The following MANBA variants were observed in gnomAD, a reference collection of about 807,000 sequenced individuals.
MANBA encodes mannosidase beta.
MANBA carries 83 observed loss-of-function variants against 111.1 expected under a neutral mutation model. That is an observed-to-expected ratio of 0.75 (90% CI 0.63 to 0.90). The LOEUF (loss-of-function observed/expected upper bound fraction) is 0.90, where lower values mean the gene tolerates loss of function less well. Among genes scored for constraint, MANBA ranks in the 40% least tolerant of loss-of-function variants. The pLI is 0.00. For synonymous variants in MANBA, 370 were observed against 378.7 expected, an observed-to-expected ratio of 0.98 and a Z score of 0.27; for missense variants, 1,036 against 1,069.0, an observed-to-expected ratio of 0.97 and a Z score of 0.43.
intron 4 of MANBA, 62 bp downstream of exon 4, chr4:102,722,809 T>C: frequency 6.5e-7 from 1 of 1,533,854 alleles, no homozygotes; most frequent in Non-Finnish European, 9.0e-7. Context: ...CAAATAAGCA[T>C]TTCATATGCC....
chr4:102,747,466 A>T (rs1443090121), intron 1 of MANBA, among the ~76,000 whole-genome samples: 1 of 152,208 alleles, frequency 6.6e-6, no homozygotes, highest in East Asian at 1.9e-4. Context: ...CCACTGAGTC[A>T]AATGTTAATC....
At position 102,657,796 on chromosome 4, in the gene MANBA, A is replaced by C; in HGVS notation, c.1590T>G (p.Asp530Glu). 1 of 1,613,768 alleles carries C rather than the reference A, an allele frequency of 6.2e-7. No homozygotes were observed. Among genetic ancestry groups the C allele is most frequent in the Non-Finnish European group, 8.5e-7 (1 of 1,179,630 alleles). The change falls in exon 12 of 17, where the codon GAT becomes GAG. Residue 530 changes from aspartate to glutamate, a missense_variant. Asp to Glu is a conservative substitution (Grantham distance 45). Coordinates refer to ENST00000647097, the MANE Select transcript of MANBA (RefSeq NM_005908.4). ...CACTGATATAGTCATAAAAATGTACATCACCAAAATAATTGCTATTAGGGT... is the reference window on the plus strand; with the variant it reads ...CACTGATATAGTCATAAAAATGTACCTCACCAAAATAATTGCTATTAGGGT... Reference protein sequence around the residue: ...SQNPNSNYFGDVHFYDYISDC... With the variant: ...SQNPNSNYFGEVHFYDYISDC...
chr4:102,704,107 C>G (rs28845008), intron 5 of MANBA, among the ~76,000 whole-genome samples: 1 of 150,928 alleles, frequency 6.6e-6, no homozygotes, highest in African/African-American at 2.4e-5. Flanking sequence ...AAAAAAAAAA[C>G]CAAAAAATTT....
intron 7 of MANBA, among the ~76,000 whole-genome samples, chr4:102,678,060 G>A (rs1731802377): frequency 6.6e-6 from 1 of 152,116 alleles, no homozygotes; most frequent in Non-Finnish European, 1.5e-5. Context: ...AATCACTACT[G>A]CAGAAAATAG....
In MANBA at chr4:102,676,550, T is replaced by G. The variant is rs900378768; in HGVS notation, c.961-2480A>C. Among the ~76,000 whole-genome samples the G allele has an allele frequency of 3.9e-5, 6 of 152,232 alleles. No individual in the cohort carries two copies. The South Asian group carries it at 6.2e-4, about 16-fold the overall frequency. On this transcript the variant is annotated intron_variant, in intron 7 of 16. Coordinates refer to ENST00000647097, the MANE Select transcript of MANBA (RefSeq NM_005908.4). ...AGAGTAACTCGTCCAATTAAGAGAT[T>G]TGACTGCAATATGAAGACTGGCCTG...
In MANBA at chr4:102,657,879, T is replaced by C. The variant is rs1730643309; in HGVS notation, c.1507A>G (p.Ile503Val). The C allele has an allele frequency of 5.0e-6, 8 of 1,612,526 alleles. No individual in the cohort carries two copies. The highest frequency in any genetic ancestry group is 6.8e-6 in the Non-Finnish European group (8 of 1,178,544). The change falls in exon 12 of 17, where the codon ATT (isoleucine) becomes GTT (valine). Residue 503 changes from isoleucine to valine, a missense_variant. Transcript: ENST00000647097. ...GCCCCATTTGTAGGACTGGACGTAA[T>C]AAAAGGACGACTCTTGTCTCCCTGA... Reference protein sequence around the residue: ...VLAGDKSRPFITSSPTNGAET... With the variant: ...VLAGDKSRPFVTSSPTNGAET...
At chr4:102,647,049 GGA>G (rs565417038) in intron 13 of MANBA, among the ~76,000 whole-genome samples, 113 of 151,858 alleles carry the variant, frequency 7.4e-4, no homozygotes, top group Non-Finnish European at 1.3e-4. Context: ...AACAGGGGTT[GGA>G]GTAGGAACAT....
intron 4 of MANBA, among the ~76,000 whole-genome samples, chr4:102,719,970 T>G (rs1292237102): frequency 3.3e-5 from 5 of 152,276 alleles, no homozygotes; most frequent in Non-Finnish European, 7.3e-5. Flanking sequence ...CAAAGGGCTA[T>G]GTTCTATCTA....
intron 7 of MANBA, among the ~76,000 whole-genome samples, chr4:102,680,136 T>C (rs1319829570): frequency 2.6e-5 from 4 of 152,230 alleles, no homozygotes; most frequent in Non-Finnish European, 5.9e-5. Flanking sequence ...CCTGGCACTC[T>C]CCTTCAAAAT....
At chr4:102,658,938 T>A (rs1334981964) in intron 11 of MANBA, 1 of 152,198 alleles carries the variant, frequency 6.6e-6, no homozygotes, top group Non-Finnish European at 1.5e-5. Flanking sequence ...TACTATCATC[T>A]CAGTAGATGA....
chr4:102,671,197 G>C, intron 9 of MANBA, 84 bp downstream of exon 9: 2 of 897,172 alleles, frequency 2.2e-6, no homozygotes, highest in Admixed American at 3.4e-5. Flanking sequence ...TCTGAGACTG[G>C]GGCAATTGCA....
chr4:102,725,072 GT>G lies in MANBA; in HGVS notation c.273-1106del, dbSNP rs140463918. ...TAAATTAGTGGTTCCTAGGGCTGGG[GT>G]AAGAATTCAGGGGCAGGAGGAGTGG... On this transcript the variant is annotated intron_variant, in intron 2 of 16. Coordinates refer to ENST00000647097, the MANE Select transcript of MANBA (RefSeq NM_005908.4). Among the ~76,000 whole-genome samples the G allele has an allele frequency of 8.6e-3, 1,312 of 152,204 alleles. 12 individuals carry two copies. Among genetic ancestry groups the G allele is most frequent in the African/African-American group, 0.028 (1,172 of 41,506 alleles).
intron 9 of MANBA, chr4:102,670,882 T>A (rs1289441956): frequency 6.4e-6 from 1 of 156,036 alleles, no homozygotes; most frequent in Non-Finnish European, 1.4e-5. Flanking sequence ...AATAAAAAAT[T>A]AGAAAAAATT....
chr4:102,631,972 C>G lies in MANBA; in HGVS notation c.*85G>C. 8.5e-7 allele frequency: 1 copy of G among 1,177,338 alleles called. No individual in the cohort carries two copies. The highest frequency in any genetic ancestry group is 1.3e-6 in the Non-Finnish European group (1 of 790,352). 72.9% of individuals were successfully genotyped at this position (1,177,338 alleles called of 1,614,324 possible). A position where few individuals can be genotyped will look rare whatever the true frequency, so the allele number is the denominator to read the frequency against. ...CGCAGACATGTCTCTCGGCTTCTCTCCTTGTCTCTGTTGCCTTCCTCTCCA... is the reference window on the plus strand; with the variant it reads ...CGCAGACATGTCTCTCGGCTTCTCTGCTTGTCTCTGTTGCCTTCCTCTCCA... On this transcript the variant is annotated 3_prime_UTR_variant, in exon 17 of 17. Transcript: ENST00000647097.
At chr4:102,642,137 G>A (rs2110195734) in intron 13 of MANBA, among the ~76,000 whole-genome samples, 1 of 152,128 alleles carries the variant, frequency 6.6e-6, no homozygotes, top group Non-Finnish European at 1.5e-5. Flanking sequence ...TACAATCCTA[G>A]TTCCCTGGAA....
At chr4:102,703,138 T>C (rs754065272) in intron 5 of MANBA, among the ~76,000 whole-genome samples, 24 of 152,208 alleles carry the variant, frequency 1.6e-4, no homozygotes, top group Non-Finnish European at 3.1e-4. Context: ...TTTACTTGTT[T>C]GTTTGTTTTT....
chr4:102,639,590 A>G, intron 14 of MANBA, 123 bp downstream of exon 14: 2 of 1,338,250 alleles, frequency 1.5e-6, no homozygotes, highest in South Asian at 2.5e-5. Flanking sequence ...CTTTTTAAAG[A>G]ATGACTCTTT....
chr4:102,659,730 T>A (rs1730837125), intron 11 of MANBA, among the ~76,000 whole-genome samples: 1 of 152,226 alleles, frequency 6.6e-6, no homozygotes, highest in South Asian at 2.1e-4. Flanking sequence ...AAATTACCCA[T>A]GAACTTCTAC....
chr4:102,727,912 T>A (rs1348947084), intron 1 of MANBA: 5 of 496,918 alleles, frequency 1.0e-5, no homozygotes, highest in Non-Finnish European at 1.9e-5. Flanking sequence ...CTGCAGAGAA[T>A]GGAGGCCTCT....
Sources: gnomAD v4.1 joint callset for allele counts (sites outside exome capture counted in the v4.1 genomes callset) on GRCh38, gnomAD v4.1.1 for gene constraint, MANE v1.5 for transcripts, NCBI Gene and HGNC (gene_info 2026-07-23, HGNC 2026-07-21) for gene names.